PTPRD: variants seen among roughly 807,000 people sequenced by gnomAD.
PTPRD encodes the protein protein tyrosine phosphatase receptor type D.
Under a neutral mutation model 214.5 loss-of-function variants are expected in PTPRD, and 34 were observed. The ratio of observed to expected loss-of-function variants is 0.16; its 90% CI spans 0.12 to 0.21. The LOEUF (loss-of-function observed/expected upper bound fraction) is 0.21, where lower values mean the gene tolerates loss of function less well. Ranked by LOEUF, PTPRD falls within the 10% of genes least tolerant of loss-of-function variation. The pLI, the probability that PTPRD is intolerant of heterozygous loss-of-function variation, is 1.00. For missense variants in PTPRD, 2,545 were observed against 2,398.7 expected, an observed-to-expected ratio of 1.06 and a Z score of -1.27; for synonymous variants, 1,128 against 845.7, an observed-to-expected ratio of 1.33 and a Z score of -5.79.
intron 14 of PTPRD, among the ~76,000 whole-genome samples, chr9:8,534,535 G>A (rs1318402496): frequency 6.6e-6 from 1 of 151,742 alleles, no homozygotes; most frequent in Non-Finnish European, 1.5e-5. Context: ...CGGGTGGAAA[G>A]ACTGAGTGAG....
chr9:9,203,738 T>A (rs561016391), intron 9 of PTPRD, among the ~76,000 whole-genome samples: 4 of 152,194 alleles, frequency 2.6e-5, no homozygotes, highest in African/African-American at 9.6e-5. Flanking sequence ...TTTTGCAGTT[T>A]CTGATGTAGC....
intron 8 of PTPRD, among the ~76,000 whole-genome samples, chr9:9,421,840 C>T (rs72702553): frequency 0.063 from 9,576 of 152,094 alleles, 351 homozygotes; most frequent in Middle Eastern, 0.17. Context: ...ATAATTCTTT[C>T]TTCTCCCTGA....
At chr9:9,019,324 GAAAGAAAGAAAGAACGAAAGAA>G (rs2099552537) in intron 10 of PTPRD, among the ~76,000 whole-genome samples, 4 of 61,934 alleles carry the variant, frequency 6.5e-5, no homozygotes, top group African/African-American at 2.5e-4. Flanking sequence ...AAGAAAGAAA[GAAAGAAAGAAAGAACGAAAGAA>G]AGAAAGAAAG....
At chr9:9,258,009 A>ATTTGGCT (rs1051439343) in intron 9 of PTPRD, among the ~76,000 whole-genome samples, 5 of 151,976 alleles carry the variant, frequency 3.3e-5, no homozygotes, top group Admixed American at 2.0e-4. Flanking sequence ...ATTTAATATA[A>ATTTGGCT]TTTGGCTTTT....
intron 3 of PTPRD, among the ~76,000 whole-genome samples, chr9:10,191,231 T>C (rs1238632327): frequency 6.6e-6 from 1 of 152,096 alleles, no homozygotes; most frequent in Admixed American, 6.5e-5. Context: ...AATTAAAATA[T>C]AATTTTTACC....
At chr9:10,061,008 GTCTC>G (rs1050193927) in intron 3 of PTPRD, among the ~76,000 whole-genome samples, 21 of 139,786 alleles carry the variant, frequency 1.5e-4, no homozygotes, top group Non-Finnish European at 4.7e-5. Flanking sequence ...CTCTCTTTCT[GTCTC>G]TCTCTCTTTC....
At chr9:8,870,714 A>ACACACACACACACACACACACACACG (rs1555457922) in intron 11 of PTPRD, among the ~76,000 whole-genome samples, 157 of 150,058 alleles carry the variant, frequency 1.0e-3, no homozygotes, top group East Asian at 1.0e-3. Context: ...ACACACACAC[A>ACACACACACACACACACACACACACG]CACACACACA....
chr9:8,733,421 T>A (rs1411583827), intron 12 of PTPRD, among the ~76,000 whole-genome samples: 1 of 152,162 alleles, frequency 6.6e-6, no homozygotes, highest in Non-Finnish European at 1.5e-5. Context: ...TAAAGAAATT[T>A]TGAGTGGGTC....
chr9:10,500,227 G>A (rs548799713), intron 2 of PTPRD, among the ~76,000 whole-genome samples: 1 of 151,790 alleles, frequency 6.6e-6, no homozygotes, highest in African/African-American at 2.4e-5. Flanking sequence ...CTAACTTTCT[G>A]TAAGAAAATG....
At chr9:10,369,907 A>G (rs1198983103) in intron 2 of PTPRD, among the ~76,000 whole-genome samples, 1 of 152,140 alleles carries the variant, frequency 6.6e-6, no homozygotes, top group Non-Finnish European at 1.5e-5. Flanking sequence ...AAAAAGAACA[A>G]TAATGAGAAC....
rs1452706341 is a variant in PTPRD, at chr9:8,484,221, G to A, written c.3311C>T (p.Ala1104Val). The change falls in exon 30 of 46, where the codon GCA becomes GTA. Residue 1104 changes from alanine (A) to valine (V), a missense_variant. Transcript: ENST00000381196. ...GLQHRVTAKTAPDVLRTKPAF... is the reference protein window; with the variant it reads ...GLQHRVTAKTVPDVLRTKPAF... The stretch of plus-strand genomic sequence containing the variant: ...AGGCTTGGTACGTAATACATCTGGT[G>A]CAGTCTTTGCCGTGACCCTGTGCTG... The A allele has an allele frequency of 6.2e-7, 1 of 1,614,112 alleles. No individual in the cohort carries two copies. Among genetic ancestry groups the A allele is most frequent in the Admixed American group, 1.7e-5 (1 of 60,010 alleles).
chr9:10,025,853 G>A lies in PTPRD; in HGVS notation c.-472+7865C>T, dbSNP rs2096913060. On this transcript the variant is annotated intron_variant, in intron 4 of 45. Coordinates refer to ENST00000381196, the MANE Select transcript of PTPRD (RefSeq NM_002839.4). ...TGTGGATGATTAAATAAACACCTGT[G>A]CTACAGTTCACGGAACATTTCAACC... 2.0e-5 allele frequency among the ~76,000 whole-genome samples: 3 copies of A among 152,162 alleles called. 1 individual carries two copies. In the South Asian group the frequency reaches 6.2e-4, roughly 31 times the overall value.
At chr9:10,152,173 A>C (rs1319822040) in intron 3 of PTPRD, among the ~76,000 whole-genome samples, 1 of 152,220 alleles carries the variant, frequency 6.6e-6, no homozygotes, top group African/African-American at 2.4e-5. Flanking sequence ...TATGAGACTT[A>C]CTGTTGGCAT....
intron 14 of PTPRD, among the ~76,000 whole-genome samples, chr9:8,574,926 A>G (rs539594997): frequency 6.6e-6 from 1 of 152,252 alleles, no homozygotes; most frequent in African/African-American, 2.4e-5. Flanking sequence ...AAATGGCTTC[A>G]TTAATTAAAA....
intron 8 of PTPRD, among the ~76,000 whole-genome samples, chr9:9,413,071 C>A (rs2075950891): frequency 1.4e-5 from 2 of 141,594 alleles, no homozygotes; most frequent in South Asian, 4.5e-4. Context: ...TCATTTTGGG[C>A]AAACAAGTTA....
At chr9:9,180,479 G>C (rs1480809570) in intron 10 of PTPRD, among the ~76,000 whole-genome samples, 1 of 149,746 alleles carries the variant, frequency 6.7e-6, no homozygotes, top group African/African-American at 2.5e-5. Context: ...GATAGCATTA[G>C]GAGATATACC....
intron 10 of PTPRD, among the ~76,000 whole-genome samples, chr9:9,064,659 C>T (rs539294990): frequency 2.6e-5 from 4 of 152,160 alleles, no homozygotes; most frequent in South Asian, 4.1e-4. Context: ...ACTGAGACTC[C>T]GAACTGAATA....
intron 5 of PTPRD, among the ~76,000 whole-genome samples, chr9:9,904,348 C>CA (rs1484463552): frequency 5.3e-5 from 8 of 151,796 alleles, no homozygotes; most frequent in Admixed American, 1.3e-4. Flanking sequence ...GGAAAGGGAA[C>CA]AAAAAAACGC....
At chr9:10,428,169 A>G (rs1472704732) in intron 2 of PTPRD, among the ~76,000 whole-genome samples, 4 of 151,780 alleles carry the variant, frequency 2.6e-5, no homozygotes, top group Non-Finnish European at 5.9e-5. Flanking sequence ...AAAAAAATAA[A>G]ATAGCTGGGT....
Sources: allele counts gnomAD v4.1 joint callset (sites outside exome capture counted in the v4.1 genomes callset), GRCh38; gene constraint gnomAD v4.1.1; transcripts MANE v1.5; gene names NCBI Gene and HGNC (gene_info 2026-07-23, HGNC 2026-07-21).